TESK2: variants seen among roughly 807,000 people sequenced by gnomAD.
TESK2 encodes the protein testis associated actin remodelling kinase 2.
Under a neutral mutation model 57.1 loss-of-function variants are expected in TESK2, and 39 were observed. The observed-to-expected ratio is 0.68, with a 90% CI of 0.53 to 0.89. TESK2 has a LOEUF of 0.89. Among genes scored for constraint, TESK2 ranks in the 40% least tolerant of loss-of-function variants. The pLI, the probability that TESK2 is intolerant of heterozygous loss-of-function variation, is 0.00. For missense variants in TESK2, 646 were observed against 732.1 expected (o/e 0.88, Z 1.36); for synonymous variants, 249 against 267.9 (o/e 0.93, Z 0.69).
intron 3 of TESK2, chr1:45,414,924 G>A: frequency 2.1e-6 from 1 of 467,420 alleles, no homozygotes; most frequent in Non-Finnish European, 3.9e-6. Flanking sequence ...AAAAGCAACA[G>A]TAGGCACTCA....
rs990752565 is a variant in TESK2 at position 45,344,738 on chromosome 1, C to G, written c.*102G>C. ...TTGAGCCTGGCTTGGCCTAGCCTGC[C>G]TGCTCTGTAGGCTCCAGGGAAGAAT... is the stretch of plus-strand genomic sequence containing the variant. On this transcript the variant is annotated 3_prime_UTR_variant, in exon 11 of 11. Coordinates refer to ENST00000372086, the MANE Select transcript of TESK2 (RefSeq NM_007170.3). The G allele has an allele frequency of 2.5e-6, 3 of 1,190,752 alleles. No individual in the cohort carries two copies. 73.8% of individuals were successfully genotyped at this position (1,190,752 alleles called of 1,614,324 possible).
chr1:45,432,262 T>C (rs971455927), intron 2 of TESK2, among the ~76,000 whole-genome samples: 2 of 152,026 alleles, frequency 1.3e-5, no homozygotes, highest in South Asian at 2.1e-4. Flanking sequence ...CTTGAACACC[T>C]GGCATTAAGG....
intron 2 of TESK2, among the ~76,000 whole-genome samples, chr1:45,423,872 T>C (rs1320420678): frequency 2.0e-5 from 3 of 152,340 alleles, no homozygotes; most frequent in Admixed American, 6.5e-5. Flanking sequence ...TTGAGAAAGA[T>C]TGTTTTCACC....
intron 3 of TESK2, among the ~76,000 whole-genome samples, chr1:45,400,218 G>T (rs191815582): frequency 6.6e-6 from 1 of 152,176 alleles, no homozygotes; most frequent in Admixed American, 6.5e-5. Flanking sequence ...GATGCAATGT[G>T]AGAAAGACTC....
At chr1:45,487,142 T>C (rs1653519229) in intron 1 of TESK2, among the ~76,000 whole-genome samples, 8 of 152,126 alleles carry the variant, frequency 5.3e-5, no homozygotes, top group Admixed American at 5.2e-4. Flanking sequence ...ACATATATTT[T>C]AAACAGAATC....
chr1:45,439,077 A>G (rs569902113), intron 2 of TESK2, among the ~76,000 whole-genome samples: 1 of 152,148 alleles, frequency 6.6e-6, no homozygotes, highest in Non-Finnish European at 1.5e-5. Context: ...CAAAGCTCCC[A>G]AACAGAAAAT....
intron 1 of TESK2, among the ~76,000 whole-genome samples, chr1:45,458,530 A>T (rs1437252191): frequency 6.6e-6 from 1 of 150,996 alleles, no homozygotes. Context: ...GTGCCACTGC[A>T]CTCCAGCCTG....
intron 2 of TESK2, among the ~76,000 whole-genome samples, chr1:45,434,959 C>CTT (rs60515365): frequency 0.029 from 4,016 of 140,346 alleles, 85 homozygotes; most frequent in Non-Finnish European, 0.043. Context: ...ACTTTTCTTT[C>CTT]TTTTTTTTTT....
At chr1:45,489,343 G>GC (rs1476656379) in intron 1 of TESK2, among the ~76,000 whole-genome samples, 5 of 152,036 alleles carry the variant, frequency 3.3e-5, no homozygotes, top group Non-Finnish European at 5.9e-5. Context: ...CTGGTCCACA[G>GC]CCCTTCTCAT....
chr1:45,397,110 C>T (rs1365497842), intron 3 of TESK2, among the ~76,000 whole-genome samples: 2 of 152,148 alleles, frequency 1.3e-5, no homozygotes, highest in African/African-American at 4.8e-5. Context: ...TGAGCCACCA[C>T]ACCCAGCCTG....
Position 45,405,752 on chromosome 1 carries a change from TC to T in TESK2, c.344+15972del, listed in dbSNP as rs1201275656. Among the ~76,000 whole-genome samples the T allele has an allele frequency of 2.6e-5, 4 of 151,766 alleles. No homozygotes were observed. In the East Asian group the frequency reaches 7.7e-4, roughly 29 times the overall value. On this transcript the variant is annotated intron_variant, in intron 3 of 10. Transcript: ENST00000372086. ...CAGGTGTGGTGGTGTATACGTGTAG[TC>T]CCTGCTACTCGGGAGGCTGAGGTGG...
chr1:45,420,334 G>C (rs1650420306), intron 3 of TESK2, among the ~76,000 whole-genome samples: 1 of 152,062 alleles, frequency 6.6e-6, no homozygotes, highest in African/African-American at 2.4e-5. Context: ...TGAACTATTG[G>C]CTCAAGAGAT....
intron 3 of TESK2, among the ~76,000 whole-genome samples, chr1:45,394,525 G>C (rs1043732918): frequency 6.6e-6 from 1 of 151,772 alleles, no homozygotes; most frequent in African/African-American, 2.4e-5. Context: ...CTCGCACTCT[G>C]TAGGTCAGGG....
chr1:45,421,991 A>G, intron 2 of TESK2, 145 bp from the exon 3 acceptor site: 1 of 805,604 alleles, frequency 1.2e-6, no homozygotes, highest in South Asian at 1.8e-5. Flanking sequence ...TATCACTTCC[A>G]TGAATGAAGA....
intron 3 of TESK2, among the ~76,000 whole-genome samples, chr1:45,395,609 C>CTTTTTTTTTTTTTT (rs201678906): frequency 7.5e-6 from 1 of 132,576 alleles, no homozygotes; most frequent in Non-Finnish European, 1.6e-5. Flanking sequence ...CTTTTCTTTT[C>CTTTTTTTTTTTTTT]TTTTTTTTTT....
At chr1:45,444,931 C>T (rs1237922486) in intron 2 of TESK2, among the ~76,000 whole-genome samples, 3 of 152,178 alleles carry the variant, frequency 2.0e-5, no homozygotes, top group Non-Finnish European at 4.4e-5. Flanking sequence ...AGACTGGCCA[C>T]ACAGTTAGAA....
chr1:45,373,036 AAAAAAAAAAAAG>A (rs1355903701), intron 4 of TESK2, among the ~76,000 whole-genome samples: 1 of 151,214 alleles, frequency 6.6e-6, no homozygotes, highest in Admixed American at 6.6e-5. Flanking sequence ...CTCAAAAAAA[AAAAAAAAAAAAG>A]AAAAGAAAAA....
intron 3 of TESK2, among the ~76,000 whole-genome samples, chr1:45,388,654 T>A (rs1433784803): frequency 6.6e-6 from 1 of 152,106 alleles, no homozygotes; most frequent in South Asian, 2.1e-4. Flanking sequence ...GGTTTGAATG[T>A]TTGCTCCCTC....
chr1:45,431,661 C>T (rs1445468501), intron 2 of TESK2, among the ~76,000 whole-genome samples: 1 of 152,170 alleles, frequency 6.6e-6, no homozygotes, highest in African/African-American at 2.4e-5. Context: ...GATACTCAAC[C>T]TTTTACTGGC....
Sources: allele counts gnomAD v4.1 joint callset (sites outside exome capture counted in the v4.1 genomes callset), GRCh38; gene constraint gnomAD v4.1.1; transcripts MANE v1.5; gene names NCBI Gene and HGNC (gene_info 2026-07-23, HGNC 2026-07-21).